CCDC181: variants seen among roughly 807,000 people sequenced by gnomAD.
CCDC181 encodes coiled-coil domain containing 181.
In CCDC181, 35 loss-of-function variants were observed where a neutral mutation model predicts 58.7. That is an observed-to-expected ratio of 0.60 (90% CI 0.46 to 0.79). CCDC181 has a LOEUF of 0.79. CCDC181 is among the 30% of genes least tolerant of loss of function. CCDC181 has a pLI of 0.00. For missense variants in CCDC181, 517 were observed against 583.9 expected (o/e 0.89, Z 1.18); for synonymous variants, 183 against 197.5 (o/e 0.93, Z 0.62).
chr1:169,429,665 T>C (rs1418045061), upstream of CCDC181, among the ~76,000 whole-genome samples: 2 of 152,168 alleles, frequency 1.3e-5, no homozygotes, highest in African/African-American at 4.8e-5. Context: ...GTTTTTTCCT[T>C]GCTGATTTGT....
intron 2 of CCDC181, among the ~76,000 whole-genome samples, chr1:169,438,817 G>A (rs1199206421): frequency 1.3e-5 from 2 of 152,152 alleles, no homozygotes; most frequent in Admixed American, 1.3e-4. Flanking sequence ...TCTGAGTTAA[G>A]TCTGCTGGAC....
intron 2 of CCDC181, among the ~76,000 whole-genome samples, chr1:169,456,868 T>C (rs1364460783): frequency 1.3e-5 from 2 of 152,332 alleles, no homozygotes; most frequent in East Asian, 3.9e-4. Context: ...TCTAAATGCT[T>C]ATCCTTTTAT....
chr1:169,425,523 G>T (rs1656677230), intron 1 of CCDC181, among the ~76,000 whole-genome samples: 1 of 151,962 alleles, frequency 6.6e-6, no homozygotes, highest in African/African-American at 2.4e-5. Flanking sequence ...TCTAAATCAG[G>T]TTGAGCACAA....
intron 4 of CCDC181, among the ~76,000 whole-genome samples, chr1:169,416,153 GCA>G (rs1323470928): frequency 6.6e-6 from 1 of 150,970 alleles, no homozygotes; most frequent in Non-Finnish European, 1.5e-5. Flanking sequence ...TCCATGGGTT[GCA>G]CAGTTCTGTG....
chr1:169,397,360 C>T lies in CCDC181; in HGVS notation c.1247G>A (p.Arg416Gln), dbSNP rs773347654. The change falls in exon 5 of 6, where the codon CGA (arginine) becomes CAA (glutamine). Residue 416 changes from arginine (R) to glutamine (Q), a missense_variant. Transcript: ENST00000367806. ...QENRDPQQAF[R>Q]LWLKKKHEEQ... is the part of the protein sequence containing the mutation. ...TTCGTGCTTTTTTTTAAGCCATAAT[C>T]GAAAAGCTTGTTGTGGATCTCTGTT... 7 of 1,608,700 alleles carry T rather than the reference C, an allele frequency of 4.4e-6. No homozygotes were observed. Among genetic ancestry groups the T allele is most frequent in the Non-Finnish European group, 5.9e-6 (7 of 1,177,604 alleles).
intron 2 of CCDC181, chr1:169,442,648 C>T (rs559876152): frequency 6.6e-6 from 1 of 152,020 alleles, no homozygotes; most frequent in Non-Finnish European, 1.5e-5. Context: ...TAATGTTTAA[C>T]ACACATATAT....
intron 2 of CCDC181, among the ~76,000 whole-genome samples, chr1:169,457,666 C>T (rs535707736): frequency 4.6e-4 from 70 of 152,166 alleles, no homozygotes; most frequent in Non-Finnish European, 9.0e-4. Flanking sequence ...TTACTTTCCA[C>T]TTCACTAATT....
intron 4 of CCDC181, among the ~76,000 whole-genome samples, chr1:169,412,611 T>C (rs547160627): frequency 6.6e-6 from 1 of 152,304 alleles, no homozygotes; most frequent in South Asian, 2.1e-4. Flanking sequence ...ATCATGGACC[T>C]GACTTCAAAC....
chr1:169,424,116 A>T (rs1235177530), intron 2 of CCDC181, among the ~76,000 whole-genome samples: 2 of 151,914 alleles, frequency 1.3e-5, no homozygotes, highest in Admixed American at 6.6e-5. Context: ...ATATACACAC[A>T]TACATATGCA....
At chr1:169,416,901 A>G (rs1377630068) in intron 4 of CCDC181, among the ~76,000 whole-genome samples, 1 of 152,224 alleles carries the variant, frequency 6.6e-6, no homozygotes, top group Non-Finnish European at 1.5e-5. Flanking sequence ...TCAGACTAGG[A>G]AAATATATAA....
rs138617713 is a variant in CCDC181, at chr1:169,439,684, C to T, written c.-23-14734G>A. Among the ~76,000 whole-genome samples, 10 of 152,270 alleles carry T rather than the reference C, an allele frequency of 6.6e-5. No individual in the cohort carries two copies. The East Asian group carries it at 1.9e-3, about 29-fold the overall frequency. On this transcript the variant is annotated intron_variant, in intron 2 of 6. Coordinates refer to the CCDC181 transcript ENST00000545005. ...GGAGTCAGGGTGACAGCCTTTTACA[C>T]CCTGCCCTCTTGGTATCCGGGTCCT...
chr1:169,415,291 A>G (rs1656163713), intron 4 of CCDC181, among the ~76,000 whole-genome samples: 1 of 152,228 alleles, frequency 6.6e-6, no homozygotes, highest in African/African-American at 2.4e-5. Flanking sequence ...TGACTGAAAC[A>G]TAAACTCCTC....
upstream of CCDC181, among the ~76,000 whole-genome samples, chr1:169,429,245 C>T (rs1390734602): frequency 6.6e-6 from 1 of 152,032 alleles, no homozygotes; most frequent in African/African-American, 2.4e-5. Flanking sequence ...TTTGTAATTG[C>T]GAATTGTGCT....
chr1:169,447,180 T>C (rs1395029455), intron 2 of CCDC181, among the ~76,000 whole-genome samples: 2 of 152,174 alleles, frequency 1.3e-5, no homozygotes, highest in Non-Finnish European at 2.9e-5. Context: ...TGATGCAATC[T>C]TGGCTCACTG....
chr1:169,416,951 A>G (rs1656242154), intron 4 of CCDC181, among the ~76,000 whole-genome samples: 1 of 152,166 alleles, frequency 6.6e-6, no homozygotes, highest in Non-Finnish European at 1.5e-5. Flanking sequence ...CTCATATACC[A>G]CTTAGATAAT....
In CCDC181 at chr1:169,421,808, C is replaced by T. The variant is rs147961141; in HGVS notation, c.623G>A (p.Ser208Asn). 1 of 1,614,094 alleles carries T rather than the reference C, an allele frequency of 6.2e-7. No homozygotes were observed. Among genetic ancestry groups the T allele is most frequent in the Non-Finnish European group, 8.5e-7 (1 of 1,180,002 alleles). Residue 208 changes from serine to asparagine, a missense_variant, in exon 3 of 6, where the codon AGC (serine) becomes AAC (asparagine). By Grantham distance (46) the Ser-to-Asn change is conservative (BLOSUM62 1). Coordinates refer to ENST00000367806, the MANE Select transcript of CCDC181 (RefSeq NM_001300969.2). ...TGTCCTATCCTTGTTTTCTTCACAG[C>T]TTCCATTAGTAAGTGACAGGAGCAC... ...EDVLLSLTNG[S>N]CEENKDRTIL...
intron 4 of CCDC181, among the ~76,000 whole-genome samples, chr1:169,416,685 G>T (rs1656230393): frequency 6.6e-6 from 1 of 152,084 alleles, no homozygotes; most frequent in South Asian, 2.1e-4. Context: ...ATTAGTACAT[G>T]TTATTACTGA....
chr1:169,428,246 C>G (rs6696810), upstream of CCDC181, among the ~76,000 whole-genome samples: 1 of 151,902 alleles, frequency 6.6e-6, no homozygotes, highest in African/African-American at 2.4e-5. Context: ...ATATTGAGTG[C>G]ACTTCCTAGA....
Position 169,421,808 on chromosome 1 carries a change from C to A in CCDC181, c.623G>T (p.Ser208Ile). 1 of 1,614,094 alleles carries A rather than the reference C, an allele frequency of 6.2e-7. No individual in the cohort carries two copies. Among genetic ancestry groups the A allele is most frequent in the Non-Finnish European group, 8.5e-7 (1 of 1,180,002 alleles). The change falls in exon 3 of 6, where the codon AGC (serine) becomes ATC (isoleucine). Residue 208 changes from serine (S) to isoleucine (I), a missense_variant. Coordinates refer to ENST00000367806, the MANE Select transcript of CCDC181 (RefSeq NM_001300969.2). Reference sequence around the variant, plus strand: ...TGTCCTATCCTTGTTTTCTTCACAGCTTCCATTAGTAAGTGACAGGAGCAC... The same window carrying A: ...TGTCCTATCCTTGTTTTCTTCACAGATTCCATTAGTAAGTGACAGGAGCAC... ...EDVLLSLTNG[S>I]CEENKDRTIL...
Sources: gnomAD v4.1 joint callset for allele counts (sites outside exome capture counted in the v4.1 genomes callset) on GRCh38, gnomAD v4.1.1 for gene constraint, MANE v1.5 for transcripts, NCBI Gene and HGNC (gene_info 2026-07-23, HGNC 2026-07-21) for gene names.